The following MEF2C variants were observed in gnomAD, a reference collection of about 807,000 sequenced individuals.
MEF2C encodes the protein myocyte-specific enhancer factor 2C.
MEF2C carries 6 observed loss-of-function variants against 50.5 expected under a neutral mutation model. The observed-to-expected ratio is 0.12, with a 90% CI of 0.07 to 0.23. MEF2C has a LOEUF of 0.23. Ranked by LOEUF, MEF2C falls within the 10% of genes least tolerant of loss-of-function variation. The pLI is 1.00. For missense variants in MEF2C, 276 were observed against 605.0 expected, an observed-to-expected ratio of 0.46 and a Z score of 5.70; for synonymous variants, 183 against 228.0, an observed-to-expected ratio of 0.80 and a Z score of 1.78.
Position 88,740,286 on chromosome 5 carries a change from C to T in MEF2C, c.638-8385G>A, listed in dbSNP as rs950962439. On this transcript the variant is annotated intron_variant, in intron 6 of 10. Transcript: ENST00000504921. ...TGTGTGTGTGAAATTAACAGTCTGTCAATGAGACAATGAGCTTTTAACGTA... is the reference window on the plus strand; with the variant it reads ...TGTGTGTGTGAAATTAACAGTCTGTTAATGAGACAATGAGCTTTTAACGTA... The T allele has an allele frequency of 4.1e-6, 4 of 982,130 alleles. No homozygotes were observed. The African/African-American group carries it at 7.2e-5, about 18-fold the overall frequency. The allele number at this position is 982,130 out of a possible 1,614,324, so 60.8% of individuals were successfully genotyped here. A position where few individuals can be genotyped will look rare whatever the true frequency, so the allele number is the denominator to read the frequency against.
chr5:88,804,866 T>A, intron 2 of MEF2C, 65 bp from the exon 3 acceptor site: 1 of 1,332,750 alleles, frequency 7.5e-7, no homozygotes. Flanking sequence ...TTTTTTCTTT[T>A]CTTTTTTCTT....
chr5:88,807,630 A>C (rs767136044), intron 2 of MEF2C, among the ~76,000 whole-genome samples: 1 of 152,170 alleles, frequency 6.6e-6, no homozygotes, highest in Non-Finnish European at 1.5e-5. Context: ...GTATCCAATA[A>C]TGTGTGTATA....
At chr5:88,810,904 C>T (rs1200125711) in intron 2 of MEF2C, among the ~76,000 whole-genome samples, 3 of 152,032 alleles carry the variant, frequency 2.0e-5, no homozygotes, top group African/African-American at 7.2e-5. Context: ...CTTTAGAAAG[C>T]TGGGTCACAA....
At chr5:88,748,077 C>T (rs1166232666) in intron 6 of MEF2C, 4 of 984,608 alleles carry the variant, frequency 4.1e-6, no homozygotes, top group African/African-American at 1.8e-5. Context: ...CTTCATTATT[C>T]AGTGAATTAG....
chr5:88,837,494 T>C (rs1815631621), intron 1 of MEF2C, among the ~76,000 whole-genome samples: 2 of 152,176 alleles, frequency 1.3e-5, no homozygotes, highest in South Asian at 2.1e-4. Flanking sequence ...AGACTCTCAG[T>C]TGGGTTCGCT....
At chr5:88,773,272 T>C (rs1180079757) in intron 3 of MEF2C, among the ~76,000 whole-genome samples, 1 of 152,196 alleles carries the variant, frequency 6.6e-6, no homozygotes, top group Non-Finnish European at 1.5e-5. Flanking sequence ...AAAATGGAAT[T>C]ACAATGAAAT....
chr5:88,810,415 C>T (rs1426329281), intron 2 of MEF2C, among the ~76,000 whole-genome samples: 2 of 151,782 alleles, frequency 1.3e-5, no homozygotes, highest in Non-Finnish European at 2.9e-5. Flanking sequence ...TTTTTTATCC[C>T]TTGCCTGGAT....
chr5:88,749,545 G>T (rs1771610367), intron 5 of MEF2C: 1 of 966,824 alleles, frequency 1.0e-6, no homozygotes, highest in African/African-American at 1.8e-5. Flanking sequence ...CCAGAAATTT[G>T]ATCGTTTCAT....
At chr5:88,765,182 A>C (rs1438301038) in intron 3 of MEF2C, among the ~76,000 whole-genome samples, 1 of 152,238 alleles carries the variant, frequency 6.6e-6, no homozygotes, top group Admixed American at 6.5e-5. Flanking sequence ...TTCAAGTTAA[A>C]TTGTGTTATT....
upstream of MEF2C, among the ~76,000 whole-genome samples, chr5:88,887,866 A>G (rs1239064546): frequency 6.6e-6 from 1 of 152,236 alleles, no homozygotes; most frequent in African/African-American, 2.4e-5. Context: ...AATGTCTGTG[A>G]TTGAGAATTT....
chr5:88,785,171 T>C (rs1790217467), intron 3 of MEF2C, among the ~76,000 whole-genome samples: 1 of 152,032 alleles, frequency 6.6e-6, no homozygotes, highest in Admixed American at 6.6e-5. Flanking sequence ...TATAACCCTA[T>C]GAACTGTGCT....
At chr5:88,759,140 A>C (rs1278977651) in intron 4 of MEF2C, among the ~76,000 whole-genome samples, 3 of 152,218 alleles carry the variant, frequency 2.0e-5, no homozygotes, top group African/African-American at 7.2e-5. Flanking sequence ...CAGCTGCTCC[A>C]CACCAATGTA....
chr5:88,835,813 TAAAAAA>T (rs11417968), intron 1 of MEF2C, among the ~76,000 whole-genome samples: 2 of 115,346 alleles, frequency 1.7e-5, no homozygotes, highest in African/African-American at 6.5e-5. Context: ...AACTCCATCT[TAAAAAA>T]AAAAAAAAAA....
At chr5:88,732,275 ACT>A (rs936631828) in intron 6 of MEF2C, among the ~76,000 whole-genome samples, 64 of 151,946 alleles carry the variant, frequency 4.2e-4, no homozygotes, top group African/African-American at 1.5e-3. Context: ...GGCGTGACTC[ACT>A]CTTTCAGTTC....
intron 3 of MEF2C, among the ~76,000 whole-genome samples, chr5:88,797,949 C>A (rs1796696185): frequency 6.6e-6 from 1 of 152,170 alleles, no homozygotes; most frequent in Non-Finnish European, 1.5e-5. Context: ...AAATTCTTTT[C>A]TTTAAGAATG....
At chr5:88,766,425 T>A (rs959197556) in intron 3 of MEF2C, among the ~76,000 whole-genome samples, 1 of 152,194 alleles carries the variant, frequency 6.6e-6, no homozygotes, top group African/African-American at 2.4e-5. Flanking sequence ...TTTTATTCTT[T>A]CAAAAATTAT....
At chr5:88,786,799 G>A (rs1336342903) in intron 3 of MEF2C, among the ~76,000 whole-genome samples, 1 of 152,156 alleles carries the variant, frequency 6.6e-6, no homozygotes, top group Non-Finnish European at 1.5e-5. Context: ...GATTGGCTTA[G>A]CATATCAAAT....
intron 5 of MEF2C, chr5:88,751,528 G>A: frequency 2.0e-6 from 2 of 985,384 alleles, no homozygotes; most frequent in Non-Finnish European, 1.2e-6. Context: ...AGGGAAAATG[G>A]CATTTTAGGC....
chr5:88,838,928 A>T (rs1303670848), intron 1 of MEF2C, among the ~76,000 whole-genome samples: 1 of 152,182 alleles, frequency 6.6e-6, no homozygotes, highest in African/African-American at 2.4e-5. Context: ...TTTTAGAAGG[A>T]ATTTTACGGC....
Sources: gnomAD v4.1 joint callset for allele counts (sites outside exome capture counted in the v4.1 genomes callset) on GRCh38, gnomAD v4.1.1 for gene constraint, MANE v1.5 for transcripts, NCBI Gene and HGNC (gene_info 2026-07-23, HGNC 2026-07-21) for gene names.